ARMC3: variants seen among roughly 807,000 people sequenced by gnomAD.
ARMC3 encodes armadillo repeat containing 3.
Under a neutral mutation model 90.3 loss-of-function variants are expected in ARMC3, and 74 were observed. The ratio of observed to expected loss-of-function variants is 0.82; its 90% CI spans 0.68 to 0.99. The LOEUF (loss-of-function observed/expected upper bound fraction) is 0.99, where lower values mean the gene tolerates loss of function less well. Among genes scored for constraint, ARMC3 ranks in the 50% least tolerant of loss-of-function variants. ARMC3 has a pLI of 0.00. For synonymous variants in ARMC3, 334 were observed against 361.8 expected (o/e 0.92, Z 0.87); for missense variants, 958 against 1,042.8 (o/e 0.92, Z 1.12).
intron 8 of ARMC3, among the ~76,000 whole-genome samples, chr10:22,976,591 G>A (rs1234642013): frequency 2.0e-5 from 3 of 152,034 alleles, no homozygotes; most frequent in Non-Finnish European, 4.4e-5. Flanking sequence ...ACCTAAACTT[G>A]CCTTCTGTTT....
At chr10:22,987,393 G>A (rs746954967) in intron 10 of ARMC3, among the ~76,000 whole-genome samples, 2 of 152,072 alleles carry the variant, frequency 1.3e-5, no homozygotes, top group Non-Finnish European at 2.9e-5. Context: ...GTTCCAAGAA[G>A]AAAAAGGGTT....
chr10:23,021,401 G>T (rs1403254229), intron 16 of ARMC3, among the ~76,000 whole-genome samples: 1 of 152,200 alleles, frequency 6.6e-6, no homozygotes, highest in African/African-American at 2.4e-5. Flanking sequence ...TGTTTCCACA[G>T]TGGCTGAACT....
Position 23,008,836 on chromosome 10 carries a change from T to A in ARMC3, c.1950T>A (p.Ser650Arg). Residue 650 changes from serine to arginine, a missense_variant, in exon 16 of 19, where the codon AGT (serine) becomes AGA (arginine). Ser to Arg is a moderately radical substitution (Grantham distance 110). Coordinates refer to ENST00000298032, the MANE Select transcript of ARMC3 (RefSeq NM_173081.5). ...EKNKKNSYHF[S>R]AGFGSPIEDK... The stretch of plus-strand genomic sequence containing the variant: ...CAAGAAAAAATAGTTATCATTTTAG[T>A]GCTGGATTTGGATCTCCCATAGAAG... 6.2e-7 allele frequency: 1 copy of A among 1,613,406 alleles called. No individual in the cohort carries two copies. Among genetic ancestry groups the A allele is most frequent in the Non-Finnish European group, 8.5e-7 (1 of 1,179,568 alleles).
intron 2 of ARMC3, among the ~76,000 whole-genome samples, chr10:22,934,380 T>G (rs1405923211): frequency 6.6e-6 from 1 of 152,244 alleles, no homozygotes; most frequent in East Asian, 1.9e-4. Context: ...GCTAAGAAGA[T>G]GCCTACATAT....
Position 22,943,701 on chromosome 10 carries a change from G to C in ARMC3, c.49-2443G>C, listed in dbSNP as rs376085289. On this transcript the variant is annotated intron_variant, in intron 2 of 18. Transcript: ENST00000298032. ...TAATCCCAGCACTTTGGGAGGCTGA[G>C]GCAGGTGGATTCCCTGAGGTCAGGA... is the stretch of plus-strand genomic sequence containing the variant. Among the ~76,000 whole-genome samples, 291 of 152,202 alleles carry C rather than the reference G, an allele frequency of 1.9e-3. 2 individuals carry two copies. Among genetic ancestry groups the C allele is most frequent in the African/African-American group, 6.7e-3 (277 of 41,522 alleles).
intron 10 of ARMC3, among the ~76,000 whole-genome samples, chr10:22,983,259 G>A (rs1035187802): frequency 1.1e-4 from 17 of 152,122 alleles, no homozygotes; most frequent in Non-Finnish European, 1.8e-4. Context: ...AATTTGCCTG[G>A]CCTACATTTT....
rs2131584406 is a variant in ARMC3, at chr10:23,037,338, A to G, written c.2478A>G (p.Glu826=). The part of the protein sequence containing the change: ...VRGEYGRAWN[E]VMLQNDSRKG... ...GAGAGTACGGTAGAGCGTGGAATGA[A>G]GTCATGCTGCAGAATGACTCTCGGA... Residue 826 remains glutamate (E), a synonymous_variant, in exon 19 of 19, where the codon GAA becomes GAG. Coordinates refer to ENST00000298032, the MANE Select transcript of ARMC3 (RefSeq NM_173081.5). 2 of 1,613,986 alleles carry G rather than the reference A, an allele frequency of 1.2e-6. No individual in the cohort carries two copies. Among genetic ancestry groups the G allele is most frequent in the Non-Finnish European group, 8.5e-7 (1 of 1,179,892 alleles).
chr10:23,016,921 T>G (rs1044224397), intron 16 of ARMC3, among the ~76,000 whole-genome samples: 1 of 152,220 alleles, frequency 6.6e-6, no homozygotes, highest in Non-Finnish European at 1.5e-5. Flanking sequence ...TTGGACTGAC[T>G]GTTGGAACTG....
At chr10:22,960,802 C>A (rs916492057) in intron 6 of ARMC3, 1 of 152,168 alleles carries the variant, frequency 6.6e-6, no homozygotes, top group Non-Finnish European at 1.5e-5. Context: ...GTCAGTAGGA[C>A]CGCGTCCCCA....
chr10:22,976,358 A>G (rs973431943), intron 8 of ARMC3, among the ~76,000 whole-genome samples: 4 of 152,198 alleles, frequency 2.6e-5, no homozygotes, highest in Non-Finnish European at 5.9e-5. Context: ...TTCTGCCAAA[A>G]TAGTCCTTGT....
rs1055892971 is a variant in ARMC3, at chr10:23,037,647, T to C, written c.*168T>C. ...AAGCTTGGAGTGAACTTTGCTGTGCTTCTGATTTCAGGCTTTTGGCAAGAG... is the reference window on the plus strand; with the variant it reads ...AAGCTTGGAGTGAACTTTGCTGTGCCTCTGATTTCAGGCTTTTGGCAAGAG... On this transcript the variant is annotated 3_prime_UTR_variant, in exon 19 of 19. Coordinates refer to ENST00000298032, the MANE Select transcript of ARMC3 (RefSeq NM_173081.5). 5.1e-5 allele frequency: 34 copies of C among 660,296 alleles called. No individual in the cohort carries two copies. Among genetic ancestry groups the C allele is most frequent in the Non-Finnish European group, 7.3e-5 (31 of 424,830 alleles). 40.9% of individuals were successfully genotyped at this position (660,296 alleles called of 1,614,324 possible).
At chr10:22,965,421 T>C (rs905683375) in intron 7 of ARMC3, among the ~76,000 whole-genome samples, 2 of 152,244 alleles carry the variant, frequency 1.3e-5, no homozygotes, top group Admixed American at 6.5e-5. Flanking sequence ...TGAGCTGAAC[T>C]ATTTTCCTGT....
chr10:22,938,610 G>T (rs1461836316), intron 2 of ARMC3, among the ~76,000 whole-genome samples: 1 of 152,144 alleles, frequency 6.6e-6, no homozygotes, highest in Non-Finnish European at 1.5e-5. Context: ...AGCTCTGAAG[G>T]TCGAGCTGGC....
At position 22,959,155 on chromosome 10, in the gene ARMC3, T is replaced by C; in HGVS notation, c.361+17T>C. The C allele has an allele frequency of 6.2e-7, 1 of 1,600,496 alleles. No individual in the cohort carries two copies. The highest frequency in any genetic ancestry group is 8.6e-7 in the Non-Finnish European group (1 of 1,167,748). On this transcript the variant is annotated intron_variant, in intron 5 of 18. Transcript: ENST00000298032. ...CTCCAGAAGGTAACTTTGCATTCTATATCTGTTTTAAAAAATGGAACTGGT... is the reference window on the plus strand; with the variant it reads ...CTCCAGAAGGTAACTTTGCATTCTACATCTGTTTTAAAAAATGGAACTGGT...
At chr10:22,951,228 C>T (rs561339965) in intron 3 of ARMC3, among the ~76,000 whole-genome samples, 24 of 152,124 alleles carry the variant, frequency 1.6e-4, no homozygotes, top group Admixed American at 2.6e-4. Context: ...TGAGCCAGTG[C>T]GCCTGGCCGA....
intron 14 of ARMC3, 82 bp downstream of exon 14, chr10:23,007,063 A>G (rs1047820478): frequency 9.5e-6 from 11 of 1,160,284 alleles, no homozygotes; most frequent in Admixed American, 2.3e-5. Context: ...GTGAATATGC[A>G]AAGATTCCCA....
chr10:22,979,862 A>G (rs1836107182), intron 8 of ARMC3, among the ~76,000 whole-genome samples: 1 of 152,216 alleles, frequency 6.6e-6, no homozygotes, highest in Non-Finnish European at 1.5e-5. Context: ...GACATGGTTC[A>G]TGATTGGTTT....
chr10:23,025,341 C>T (rs1464265266), intron 16 of ARMC3, among the ~76,000 whole-genome samples: 2 of 151,854 alleles, frequency 1.3e-5, no homozygotes, highest in Non-Finnish European at 2.9e-5. Context: ...CACGAATACC[C>T]TGAGCCATAA....
intron 2 of ARMC3, 22 bp downstream of exon 2, chr10:22,932,066 T>C (rs1833953095): frequency 6.4e-7 from 1 of 1,573,548 alleles, no homozygotes; most frequent in Admixed American, 1.9e-5. Context: ...ATTTGAATAC[T>C]AGTAGCACTT....
Sources: allele counts gnomAD v4.1 joint callset (sites outside exome capture counted in the v4.1 genomes callset), GRCh38; gene constraint gnomAD v4.1.1; transcripts MANE v1.5; gene names NCBI Gene and HGNC (gene_info 2026-07-23, HGNC 2026-07-21).